The following TNFRSF19 variants were observed in gnomAD, a reference collection of about 807,000 sequenced individuals.
TNFRSF19 encodes tumor necrosis factor receptor superfamily member 19.
A neutral mutation model predicts 46.4 loss-of-function variants in TNFRSF19; 27 were observed. The ratio of observed to expected loss-of-function variants is 0.58; its 90% CI spans 0.43 to 0.80. The LOEUF (loss-of-function observed/expected upper bound fraction) is 0.80, where lower values mean the gene tolerates loss of function less well. Among genes scored for constraint, TNFRSF19 ranks in the 30% least tolerant of loss-of-function variants. The pLI is 0.00. For synonymous variants in TNFRSF19, 204 were observed against 205.0 expected (o/e 1.00, Z 0.04); for missense variants, 511 against 530.8 (o/e 0.96, Z 0.37).
At chr13:23,620,832 T>C (rs1201598322) in intron 4 of TNFRSF19, among the ~76,000 whole-genome samples, 6 of 152,176 alleles carry the variant, frequency 3.9e-5, no homozygotes. Context: ...GGCTGGCCCC[T>C]GCCAGCTCTT....
chr13:23,669,653 C>T (rs1951723017), intron 9 of TNFRSF19: 3 of 985,224 alleles, frequency 3.0e-6, no homozygotes, highest in Non-Finnish European at 3.6e-6. Flanking sequence ...TCATAAGACC[C>T]TCTCAGGTGG....
Position 23,618,768 on chromosome 13 carries a change from G to C in TNFRSF19, c.359+2723G>C, listed in dbSNP as rs144751776. On this transcript the variant is annotated intron_variant, in intron 4 of 9. Coordinates refer to ENST00000248484, the MANE Select transcript of TNFRSF19 (RefSeq NM_148957.4). ...AAAAAACTGAAACAACCAAGCTCTGGTTTGAATGTGTCCCCTCCAAAATTC... is the reference window on the plus strand; with the variant it reads ...AAAAAACTGAAACAACCAAGCTCTGCTTTGAATGTGTCCCCTCCAAAATTC... Among the ~76,000 whole-genome samples the C allele has an allele frequency of 3.2e-3, 487 of 152,280 alleles. 6 individuals are homozygous for C. Among genetic ancestry groups the C allele is most frequent in the African/African-American group, 0.011 (465 of 41,554 alleles).
Position 23,668,678 on chromosome 13 carries a change from G to T in TNFRSF19, c.840-14G>T. ...CCCATCAAAAACTTTAAGTTCTTTT[G>T]AACGTGTGTGCAGAAACGCAGGCCC... On this transcript the variant is annotated splice_polypyrimidine_tract_variant and intron_variant, in intron 8 of 9. Coordinates refer to ENST00000248484, the MANE Select transcript of TNFRSF19 (RefSeq NM_148957.4). 1.3e-6 allele frequency: 2 copies of T among 1,599,132 alleles called. No individual in the cohort carries two copies. Among genetic ancestry groups the T allele is most frequent in the African/African-American group, 1.3e-5 (1 of 74,308 alleles).
chr13:23,663,443 T>C lies in TNFRSF19; in HGVS notation c.736+2953T>C, dbSNP rs113453465. Among the ~76,000 whole-genome samples the C allele has an allele frequency of 6.8e-3, 1,040 of 152,296 alleles. 16 individuals are homozygous for C. Among genetic ancestry groups the C allele is most frequent in the African/African-American group, 0.024 (993 of 41,548 alleles). ...AAGTAGTTTGTTGAGGATTTTTACA[T>C]TGGTGTTCATCAGGGATATTGGCCT... On this transcript the variant is annotated intron_variant, in intron 7 of 9. Coordinates refer to ENST00000248484, the MANE Select transcript of TNFRSF19 (RefSeq NM_148957.4).
intron 4 of TNFRSF19, among the ~76,000 whole-genome samples, chr13:23,618,455 A>G (rs147313398): frequency 1.1e-3 from 174 of 152,296 alleles, no homozygotes; most frequent in African/African-American, 4.0e-3. Context: ...CTTCAACCCC[A>G]CTAAGATAGC....
rs879011702 is a variant in TNFRSF19, at chr13:23,665,486, T to C, written c.737-2494T>C. On this transcript the variant is annotated intron_variant, in intron 7 of 9. Coordinates refer to ENST00000248484, the MANE Select transcript of TNFRSF19 (RefSeq NM_148957.4). ...CTTTTTTCCCTTTAACTTTTTATTT[T>C]GACATAATTTCAGAAATCAGTCATA... Among the ~76,000 whole-genome samples, 3 of 152,318 alleles carry C rather than the reference T, an allele frequency of 2.0e-5. No homozygotes were observed. In the South Asian group the frequency reaches 6.2e-4, roughly 32 times the overall value.
chr13:23,580,375 T>C (rs1365346908), intron 1 of TNFRSF19, among the ~76,000 whole-genome samples: 1 of 150,096 alleles, frequency 6.7e-6, no homozygotes, highest in Non-Finnish European at 1.5e-5. Flanking sequence ...GACGTAGTTT[T>C]TACCCCATGA....
At chr13:23,614,943 T>C (rs374220908) in intron 3 of TNFRSF19, among the ~76,000 whole-genome samples, 1 of 151,992 alleles carries the variant, frequency 6.6e-6, no homozygotes, top group African/African-American at 2.4e-5. Flanking sequence ...GCTGCCCTGA[T>C]TGGGAAGGAG....
rs145957957 is a variant in TNFRSF19, at chr13:23,573,921, A to G, written c.-35+3073A>G. ...ACTAAAAATACAAAAAATTAGCCGG[A>G]CAAGGTGGCAGGCGCCTGTAGTCCC... On this transcript the variant is annotated intron_variant, in intron 1 of 9. Coordinates refer to ENST00000248484, the MANE Select transcript of TNFRSF19 (RefSeq NM_148957.4). 9.8e-3 allele frequency among the ~76,000 whole-genome samples: 1,490 copies of G among 152,030 alleles called. 37 individuals are homozygous for G. Among genetic ancestry groups the G allele is most frequent in the East Asian group, 0.09 (465 of 5,172 alleles).
At chr13:23,605,356 T>C (rs1002073407) in intron 3 of TNFRSF19, among the ~76,000 whole-genome samples, 1 of 152,216 alleles carries the variant, frequency 6.6e-6, no homozygotes, top group Non-Finnish European at 1.5e-5. Flanking sequence ...TTCTCATTCC[T>C]TGCTAGTGGG....
rs1277501271 is a variant in TNFRSF19, at chr13:23,659,784, T to C, written c.610+570T>C. ...CCTCCCAAAGTGCTGAGATGACAGA[T>C]GTGAGCCACTGCACCGGCCTATTAT... On this transcript the variant is annotated intron_variant, in intron 6 of 9. Transcript: ENST00000248484. The surrounding 1 kb of genome is among the most constrained non-coding windows in gnomAD (Gnocchi z 4.9). Among the ~76,000 whole-genome samples the C allele has an allele frequency of 6.6e-6, 1 of 152,206 alleles. No homozygotes were observed. Among genetic ancestry groups the C allele is most frequent in the Admixed American group, 6.5e-5 (1 of 15,278 alleles).
chr13:23,640,864 GT>G (rs1883000411), intron 5 of TNFRSF19, among the ~76,000 whole-genome samples: 1 of 151,850 alleles, frequency 6.6e-6, no homozygotes, highest in Admixed American at 6.6e-5. Flanking sequence ...TTTTCTTCAG[GT>G]TCATTTCTAT....
chr13:23,625,330 T>TC (rs1881929327), intron 4 of TNFRSF19, among the ~76,000 whole-genome samples: 1 of 145,726 alleles, frequency 6.9e-6, no homozygotes, highest in Non-Finnish European at 1.5e-5. Flanking sequence ...TGTATTCTTT[T>TC]TTTTTTTTTT....
At chr13:23,637,881 C>A (rs1480816301) in intron 5 of TNFRSF19, among the ~76,000 whole-genome samples, 6 of 152,270 alleles carry the variant, frequency 3.9e-5, no homozygotes, top group Admixed American at 3.3e-4. Flanking sequence ...TCCCTGCTTT[C>A]TTTCACAGGG....
At chr13:23,651,679 T>C (rs1883642607) in intron 5 of TNFRSF19, among the ~76,000 whole-genome samples, 1 of 152,124 alleles carries the variant, frequency 6.6e-6, no homozygotes, top group Admixed American at 6.5e-5. Flanking sequence ...TGCAATAAAA[T>C]TCAATAGCCT....
At chr13:23,612,121 G>A (rs1880949882) in intron 3 of TNFRSF19, among the ~76,000 whole-genome samples, 1 of 152,176 alleles carries the variant, frequency 6.6e-6, no homozygotes, top group South Asian at 2.1e-4. Flanking sequence ...GTATACGAAT[G>A]ATAAAAAGAA....
Position 23,626,243 on chromosome 13 carries a change from A to G in TNFRSF19, c.360-464A>G, listed in dbSNP as rs77293932. Among the ~76,000 whole-genome samples, 114 of 143,118 alleles carry G rather than the reference A, an allele frequency of 8.0e-4. 1 individual carries two copies. The East Asian group carries it at 0.022, about 27-fold the overall frequency. 93.9% of individuals were successfully genotyped at this position (143,118 alleles called of 152,430 possible). On this transcript the variant is annotated intron_variant, in intron 4 of 9. Transcript: ENST00000248484. Reference sequence around the variant, plus strand: ...TGTGTGGTTGCTGTTCATCTCTTCCACTTTGACTCCTGGTTTCTTGTTATG... The same window carrying G: ...TGTGTGGTTGCTGTTCATCTCTTCCGCTTTGACTCCTGGTTTCTTGTTATG...
At chr13:23,581,034 T>TGC (rs1878374268) in intron 1 of TNFRSF19, among the ~76,000 whole-genome samples, 1 of 152,238 alleles carries the variant, frequency 6.6e-6, no homozygotes, top group African/African-American at 2.4e-5. Context: ...CTTGCAACTC[T>TGC]GAGTCCAGGC....
intron 3 of TNFRSF19, among the ~76,000 whole-genome samples, chr13:23,599,980 T>C (rs1375801977): frequency 6.6e-6 from 1 of 152,158 alleles, no homozygotes; most frequent in African/African-American, 2.4e-5. Flanking sequence ...ACATTCTTCT[T>C]TTCCCAAATC....
Sources: allele counts gnomAD v4.1 joint callset (sites outside exome capture counted in the v4.1 genomes callset), GRCh38; gene constraint gnomAD v4.1.1; non-coding constraint Gnocchi (gnomAD v3.1); transcripts MANE v1.5; gene names NCBI Gene and HGNC (gene_info 2026-07-23, HGNC 2026-07-21).